SFMBT2: variants seen among roughly 807,000 people sequenced by gnomAD.
The protein encoded by SFMBT2 is Scm like with four mbt domains 2.
In SFMBT2, 38 loss-of-function variants were observed where a neutral mutation model predicts 110.1. The ratio of observed to expected loss-of-function variants is 0.35; its 90% CI spans 0.27 to 0.45. The LOEUF (loss-of-function observed/expected upper bound fraction) is 0.45. Among genes scored for constraint, SFMBT2 ranks in the 20% least tolerant of loss-of-function variants. SFMBT2 has a pLI of 1.00. For synonymous variants in SFMBT2, 425 were observed against 425.4 expected (o/e 1.00, Z 0.01); for missense variants, 1,011 against 1,094.9 (o/e 0.92, Z 1.08).
chr10:7,382,639 C>G (rs1244355718), intron 1 of SFMBT2, among the ~76,000 whole-genome samples: 1 of 152,020 alleles, frequency 6.6e-6, no homozygotes, highest in East Asian at 1.9e-4. Context: ...AACCTCCACC[C>G]CCCACACAAC....
chr10:7,172,252 T>TA lies in SFMBT2; in HGVS notation c.2152-95dup. On this transcript the variant is annotated intron_variant, in intron 18 of 20. Transcript: ENST00000397167. This position sits in a 1 kb window ranked among gnomAD's most constrained non-coding sequence, Gnocchi z 4.6. ...GACCCTGGGCCCAGTGCAGACCACC[T>TA]AGCAAACCCTCGGAAATGGAGCCAG... is the stretch of plus-strand genomic sequence containing the variant. 6.8e-7 allele frequency: 1 copy of TA among 1,475,176 alleles called. No homozygotes were observed. Among genetic ancestry groups the TA allele is most frequent in the African/African-American group, 1.4e-5 (1 of 71,022 alleles). 91.4% of individuals were successfully genotyped at this position (1,475,176 alleles called of 1,614,324 possible).
chr10:7,277,261 A>G (rs1487370701), intron 6 of SFMBT2: 1 of 154,676 alleles, frequency 6.5e-6, no homozygotes, highest in East Asian at 1.9e-4. Context: ...GGCATTCTGT[A>G]AGTAATTTAA....
intron 4 of SFMBT2, among the ~76,000 whole-genome samples, chr10:7,322,046 A>G (rs143659128): frequency 9.2e-5 from 14 of 152,326 alleles, no homozygotes; most frequent in African/African-American, 3.4e-4. Flanking sequence ...GGTACATGAT[A>G]TTGTTTGGCT....
At chr10:7,248,998 A>G (rs1840712715) in intron 7 of SFMBT2, 1 of 417,310 alleles carries the variant, frequency 2.4e-6, no homozygotes, top group South Asian at 9.9e-5. Context: ...GTGTCTTCAG[A>G]AAACACCAGG....
intron 4 of SFMBT2, among the ~76,000 whole-genome samples, chr10:7,317,501 C>T (rs974646122): frequency 3.3e-4 from 50 of 151,956 alleles, no homozygotes; most frequent in African/African-American, 1.1e-3. Flanking sequence ...ATTAGCCAGG[C>T]GTGGTGGCGC....
chr10:7,217,763 T>C (rs1315798397), intron 11 of SFMBT2, among the ~76,000 whole-genome samples: 2 of 152,170 alleles, frequency 1.3e-5, no homozygotes. Flanking sequence ...TAACTTGTAT[T>C]ATATGAACAA....
At chr10:7,183,406 A>G (rs979111000) in intron 16 of SFMBT2, among the ~76,000 whole-genome samples, 3 of 152,232 alleles carry the variant, frequency 2.0e-5, no homozygotes, top group African/African-American at 7.2e-5. Flanking sequence ...GAAGTCACAG[A>G]TCAACAGTGG....
chr10:7,269,584 C>T (rs1841506638), intron 7 of SFMBT2, among the ~76,000 whole-genome samples: 1 of 152,174 alleles, frequency 6.6e-6, no homozygotes, highest in African/African-American at 2.4e-5. Flanking sequence ...ACACGCATCT[C>T]AGATGACTCA....
At chr10:7,269,825 CTCTTTT>C (rs778454519) in intron 7 of SFMBT2, among the ~76,000 whole-genome samples, 1 of 82,514 alleles carries the variant, frequency 1.2e-5, no homozygotes, top group Non-Finnish European at 2.6e-5. Flanking sequence ...GAGAAGATTT[CTCTTTT>C]TTTTTTTTTA....
rs960676288 is a variant in SFMBT2 at position 7,170,704 on chromosome 10, T to C, written c.2544+224A>G. ...AGAGTCACCCCTCCGCCCCCCACCA[T>C]GGCACTGGTGGGGCCTGAGAGGAGC... On this transcript the variant is annotated intron_variant, in intron 20 of 20. Transcript: ENST00000397167. The surrounding 1 kb of genome is among the most constrained non-coding windows in gnomAD (Gnocchi z 4.6). 6.6e-6 allele frequency among the ~76,000 whole-genome samples: 1 copy of C among 152,046 alleles called. No individual in the cohort carries two copies. Among genetic ancestry groups the C allele is most frequent in the Non-Finnish European group, 1.5e-5 (1 of 67,982 alleles).
chr10:7,223,535 C>T (rs967464847), intron 10 of SFMBT2, among the ~76,000 whole-genome samples: 1 of 152,104 alleles, frequency 6.6e-6, no homozygotes, highest in Non-Finnish European at 1.5e-5. Context: ...CATTTCCCTG[C>T]CCATCTTCTG....
intron 4 of SFMBT2, among the ~76,000 whole-genome samples, chr10:7,287,138 T>A (rs1280010558): frequency 7.1e-6 from 1 of 140,242 alleles, no homozygotes; most frequent in Non-Finnish European, 1.5e-5. Context: ...CTGGAGGCAG[T>A]GGCGGATCTC....
chr10:7,331,568 C>T (rs1268553922), intron 4 of SFMBT2, among the ~76,000 whole-genome samples: 2 of 152,140 alleles, frequency 1.3e-5, no homozygotes, highest in Non-Finnish European at 2.9e-5. Flanking sequence ...GCACCTGTCT[C>T]CTGCACCCAC....
At chr10:7,359,633 CA>C (rs1844650204) in intron 4 of SFMBT2, among the ~76,000 whole-genome samples, 2 of 152,172 alleles carry the variant, frequency 1.3e-5, no homozygotes, top group Admixed American at 1.3e-4. Flanking sequence ...CAGAAAAACC[CA>C]AATAGCATCT....
intron 1 of SFMBT2, among the ~76,000 whole-genome samples, chr10:7,407,853 C>T (rs1846259952): frequency 6.6e-6 from 1 of 152,102 alleles, no homozygotes; most frequent in South Asian, 2.1e-4. Context: ...CCATCCGCGT[C>T]CCCGGGAACT....
intron 11 of SFMBT2, among the ~76,000 whole-genome samples, chr10:7,213,359 G>A (rs1275641520): frequency 6.6e-6 from 1 of 152,178 alleles, no homozygotes; most frequent in Non-Finnish European, 1.5e-5. Flanking sequence ...AGAGACAGCA[G>A]GTAGGAGGCG....
At chr10:7,316,922 T>G (rs1564436547) in intron 4 of SFMBT2, among the ~76,000 whole-genome samples, 2 of 152,162 alleles carry the variant, frequency 1.3e-5, no homozygotes, top group East Asian at 3.8e-4. Context: ...CATACATATG[T>G]GCATGCCTAT....
At position 7,381,891 on chromosome 10, in the gene SFMBT2, C is replaced by G; in HGVS notation, c.8G>C (p.Ser3Thr). ...TTGCATATTGGAAGCTGACAAAGTG[C>G]TCTCCATGCCTGATGAGCAAGTGTC... is the stretch of plus-strand genomic sequence containing the variant. ME[S>T]TLSASNMQDP... Residue 3 changes from serine (S) to threonine (T), a missense_variant, in exon 2 of 21, where the codon AGC (serine) becomes ACC (threonine). By Grantham distance (58) the Ser-to-Thr change is moderately conservative. Transcript: ENST00000397167. 1 of 1,600,912 alleles carries G rather than the reference C, an allele frequency of 6.2e-7. No homozygotes were observed. Among genetic ancestry groups the G allele is most frequent in the South Asian group, 1.1e-5 (1 of 89,034 alleles).
At chr10:7,368,296 C>A (rs529769938) in intron 3 of SFMBT2, 1 of 981,050 alleles carries the variant, frequency 1.0e-6, no homozygotes, top group African/African-American at 1.7e-5. Flanking sequence ...ACTCACAGGA[C>A]CACATGATAG....
Sources: gnomAD v4.1 joint callset for allele counts (sites outside exome capture counted in the v4.1 genomes callset) on GRCh38, gnomAD v4.1.1 for gene constraint, Gnocchi (gnomAD v3.1) non-coding constraint, MANE v1.5 for transcripts, NCBI Gene and HGNC (gene_info 2026-07-23, HGNC 2026-07-21) for gene names.